Variants in HDDC3 observed in about 807,000 individuals in gnomAD.
HDDC3 encodes the protein guanosine-3',5'-bis(diphosphate) 3'-pyrophosphohydrolase MESH1.
A neutral mutation model predicts 19.1 loss-of-function variants in HDDC3; 18 were observed. The ratio of observed to expected loss-of-function variants is 0.94; its 90% CI spans 0.65 to 1.40. The LOEUF (loss-of-function observed/expected upper bound fraction) is 1.40, where lower values mean the gene tolerates loss of function less well. Among genes scored for constraint, HDDC3 ranks in the 40% most tolerant of loss-of-function variants. HDDC3 has a pLI of 0.00. For synonymous variants in HDDC3, 107 were observed against 99.4 expected (o/e 1.08, Z -0.46); for missense variants, 250 against 228.9 (o/e 1.09, Z -0.59).
chr15:90,931,430 G>A, intron 3 of HDDC3, 25 bp from the exon 4 acceptor site: 1 of 1,607,468 alleles, frequency 6.2e-7, no homozygotes, highest in Non-Finnish European at 8.5e-7. Context: ...ACAGAAACTT[G>A]CTAGCGTGAT....
chr15:90,932,037 G>C lies in HDDC3; in HGVS notation c.168+18C>G. On this transcript the variant is annotated intron_variant, in intron 2 of 3. Coordinates refer to ENST00000394272, the MANE Select transcript of HDDC3 (RefSeq NM_001286451.2). ...TAATCCCCATCCCAGGCTCCTGGCAGAGAAGGGGGAAAGTTACCTGTAACA... is the reference window on the plus strand; with the variant it reads ...TAATCCCCATCCCAGGCTCCTGGCACAGAAGGGGGAAAGTTACCTGTAACA... The C allele has an allele frequency of 3.7e-6, 6 of 1,613,972 alleles. No homozygotes were observed. The highest frequency in any genetic ancestry group is 4.2e-6 in the Non-Finnish European group (5 of 1,179,930).
chr15:90,932,328 G>C, intron 1 of HDDC3, 101 bp downstream of exon 1: 1 of 815,220 alleles, frequency 1.2e-6, no homozygotes, highest in Non-Finnish European at 1.8e-6. Context: ...ACTAAGCTTG[G>C]GACAAAACAG....
chr15:90,931,551 T>G, intron 3 of HDDC3, 146 bp from the exon 4 acceptor site: 3 of 1,614,182 alleles, frequency 1.9e-6, no homozygotes, highest in Non-Finnish European at 2.5e-6. Context: ...AGCTATTGTA[T>G]TTTTACTGTA....
In HDDC3 at chr15:90,931,116, CAGG is replaced by C. The variant is rs2035773608; in HGVS notation, c.*156_*158del. On this transcript the variant is annotated 3_prime_UTR_variant, in exon 4 of 4. Transcript: ENST00000394272. ...ACCACGCGGGGCTCAGCTTAGTTAG[CAGG>C]AGACCTTCAGACTGAGAAAAAATGC... 2.4e-6 allele frequency: 2 copies of C among 818,068 alleles called. No individual in the cohort carries two copies. The highest frequency in any genetic ancestry group is 1.7e-5 in the African/African-American group (1 of 57,970). The allele number at this position is 818,068 out of a possible 1,614,324, so 50.7% of individuals were successfully genotyped here.
Position 90,931,418 on chromosome 15 carries a change from C to G in HDDC3, c.410-13G>C, listed in dbSNP as rs1567143496. On this transcript the variant is annotated splice_polypyrimidine_tract_variant and intron_variant, in intron 3 of 3. Coordinates refer to ENST00000394272, the MANE Select transcript of HDDC3 (RefSeq NM_001286451.2). ...TGTTCTGACCATCCTGCATAAGAGTCGACAGAAACTTGCTAGCGTGATGTC... is the reference window on the plus strand; with the variant it reads ...TGTTCTGACCATCCTGCATAAGAGTGGACAGAAACTTGCTAGCGTGATGTC... The G allele has an allele frequency of 6.3e-7, 1 of 1,598,726 alleles. No individual in the cohort carries two copies.
In HDDC3 at chr15:90,932,504, C is replaced by T. The variant is rs1349453468; in HGVS notation, c.37G>A (p.Asp13Asn). The change falls in exon 1 of 4, where the codon GAC (aspartate) becomes AAC (asparagine). Residue 13 changes from aspartate (D) to asparagine (N), a missense_variant. Physicochemically the swap from Asp to Asn is conservative, Grantham distance 23. Coordinates refer to ENST00000394272, the MANE Select transcript of HDDC3 (RefSeq NM_001286451.2). Reference sequence around the variant, plus strand: ...TGCCGGTGCTTGCGAGCCGCGAAGTCGGCAGCCTCCAGCAGCTGCGCCGCC... The same window carrying T: ...TGCCGGTGCTTGCGAGCCGCGAAGTTGGCAGCCTCCAGCAGCTGCGCCGCC... Reference protein sequence around the residue: ...SEAAQLLEAADFAARKHRQQR... With the variant: ...SEAAQLLEAANFAARKHRQQR... 1.5e-6 allele frequency: 2 copies of T among 1,305,744 alleles called. No homozygotes were observed. The highest frequency in any genetic ancestry group is 9.7e-7 in the Non-Finnish European group (1 of 1,027,894). The allele number at this position is 1,305,744 out of a possible 1,614,324, so 80.9% of individuals were successfully genotyped here. A position where few individuals can be genotyped will look rare whatever the true frequency, so the allele number is the denominator to read the frequency against.
In HDDC3 at chr15:90,931,271, CTGATCAGATTG is replaced by C. The variant is rs756850703; in HGVS notation, c.533_*3del. The C allele has an allele frequency of 6.0e-5, 93 of 1,550,660 alleles. No homozygotes were observed. Among genetic ancestry groups the C allele is most frequent in the Non-Finnish European group, 8.0e-5 (92 of 1,147,030 alleles). On this transcript the variant is annotated stop_retained_variant and 3_prime_UTR_variant, in exon 4 of 4. Coordinates refer to ENST00000394272, the MANE Select transcript of HDDC3 (RefSeq NM_001286451.2). ...TTGTGCCTCTGGATAGCTTCAAGCACTGATCAGATTGTCAGCCCCCGCTGCTTGAACAGATG... is the reference window on the plus strand; with the variant it reads ...TTGTGCCTCTGGATAGCTTCAAGCACTCAGCCCCCGCTGCTTGAACAGATG...
chr15:90,932,470 CG>C lies in HDDC3; in HGVS notation c.70del (p.Arg24GlyfsTer20). ...GTAGGGGGTCCCCTCGGGGTCCTTC[CG>C]CCGCTGCTGCCGGTGCTTGCGAGCC... Reference protein sequence around the residue: ...FAARKHRQQRRKDPEGTPYIN... With the variant: ...FAARKHRQQRXKDPEGTPYIN... On this transcript the variant is annotated frameshift_variant, in exon 1 of 4. Coordinates refer to ENST00000394272, the MANE Select transcript of HDDC3 (RefSeq NM_001286451.2). LOFTEE classifies it high-confidence loss of function. 7.5e-7 allele frequency: 1 copy of C among 1,326,264 alleles called. No homozygotes were observed. Among genetic ancestry groups the C allele is most frequent in the Non-Finnish European group, 9.6e-7 (1 of 1,039,022 alleles). 82.2% of individuals were successfully genotyped at this position (1,326,264 alleles called of 1,614,324 possible).
intron 2 of HDDC3, 41 bp from the exon 3 acceptor site, chr15:90,931,985 G>C: frequency 1.2e-6 from 2 of 1,613,904 alleles, no homozygotes; most frequent in Non-Finnish European, 1.7e-6. Flanking sequence ...TGTCAGCCAA[G>C]GGTTGCCCAT....
Position 90,930,812 on chromosome 15 carries a change from C to G in HDDC3, c.*463G>C, listed in dbSNP as rs949732742. On this transcript the variant is annotated 3_prime_UTR_variant, in exon 4 of 4. Transcript: ENST00000394272. Reference sequence around the variant, plus strand: ...GAAGCCAGGTTCGGAGGGGTTGAGGCCCGCAACCTGAGGGAGGTGACTCCG... The same window carrying G: ...GAAGCCAGGTTCGGAGGGGTTGAGGGCCGCAACCTGAGGGAGGTGACTCCG... The G allele has an allele frequency of 5.6e-6, 1 of 179,064 alleles. No individual in the cohort carries two copies. Among genetic ancestry groups the G allele is most frequent in the South Asian group, 1.0e-4 (1 of 9,810 alleles). The allele number at this position is 179,064 out of a possible 1,614,324, so 11.1% of individuals were successfully genotyped here.
At chr15:90,932,021 T>C (rs1423533350) in intron 2 of HDDC3, 34 bp downstream of exon 2, 3 of 1,613,774 alleles carry the variant, frequency 1.9e-6, no homozygotes, top group African/African-American at 1.3e-5. Flanking sequence ...CTAATCCCCA[T>C]CCCAGGCTCC....
chr15:90,932,482 C>A lies in HDDC3; in HGVS notation c.59G>T (p.Arg20Leu). The A allele has an allele frequency of 7.6e-7, 1 of 1,308,306 alleles. No individual in the cohort carries two copies. Among genetic ancestry groups the A allele is most frequent in the East Asian group, 3.0e-5 (1 of 33,782 alleles). 81.0% of individuals were successfully genotyped at this position (1,308,306 alleles called of 1,614,324 possible). A position where few individuals can be genotyped will look rare whatever the true frequency, so the allele number is the denominator to read the frequency against. The change falls in exon 1 of 4, where the codon CGG becomes CTG. Residue 20 changes from arginine to leucine, a missense_variant. By Grantham distance (102) the Arg-to-Leu change is moderately radical. Coordinates refer to ENST00000394272, the MANE Select transcript of HDDC3 (RefSeq NM_001286451.2). ...EAADFAARKH[R>L]QQRRKDPEGT... is the part of the protein sequence containing the mutation. ...CTCGGGGTCCTTCCGCCGCTGCTGCCGGTGCTTGCGAGCCGCGAAGTCGGC... is the reference window on the plus strand; with the variant it reads ...CTCGGGGTCCTTCCGCCGCTGCTGCAGGTGCTTGCGAGCCGCGAAGTCGGC...
Position 90,931,145 on chromosome 15 carries a change from A to G in HDDC3, c.*130T>C. On this transcript the variant is annotated 3_prime_UTR_variant, in exon 4 of 4. Transcript: ENST00000394272. ...AGACCTTCAGACTGAGAAAAAATGC[A>G]AGTCTTTTTTTGGCCTCTAATATCT... is the stretch of plus-strand genomic sequence containing the variant. 8.8e-7 allele frequency: 1 copy of G among 1,140,866 alleles called. No individual in the cohort carries two copies. Among genetic ancestry groups the G allele is most frequent in the Non-Finnish European group, 1.2e-6 (1 of 810,296 alleles). 70.7% of individuals were successfully genotyped at this position (1,140,866 alleles called of 1,614,324 possible).
intron 1 of HDDC3, 100 bp downstream of exon 1, chr15:90,932,329 G>T: frequency 1.2e-6 from 1 of 823,528 alleles, no homozygotes; most frequent in Non-Finnish European, 1.8e-6. Flanking sequence ...CTAAGCTTGG[G>T]ACAAAACAGG....
rs1051813900 is a variant in HDDC3 at position 90,930,362 on chromosome 15, G to C, written c.*913C>G. ...AGCGGGCGGCACTCCCTTCCGATAC[G>C]TCTTTTCTTTTTTCATTTTTGAGAC... On this transcript the variant is annotated 3_prime_UTR_variant, in exon 4 of 4. Transcript: ENST00000394272. The C allele has an allele frequency of 6.6e-6, 1 of 152,352 alleles. No homozygotes were observed. Among genetic ancestry groups the C allele is most frequent in the African/African-American group, 2.4e-5 (1 of 41,438 alleles). The allele number at this position is 152,352 out of a possible 1,614,324, so 9.4% of individuals were successfully genotyped here. A position where few individuals can be genotyped will look rare whatever the true frequency, so the allele number is the denominator to read the frequency against.
chr15:90,931,390 C>T lies in HDDC3; in HGVS notation c.425G>A (p.Arg142Gln), dbSNP rs2035783983. ...TGCCCACTCGAAGTATTCCTGGACT[C>T]GATGTTCTGACCATCCTGCATAAGA... ...RCTPEGWSEH[R>Q]VQEYFEWAAQ... Residue 142 changes from arginine (R) to glutamine (Q), a missense_variant, in exon 4 of 4, where the codon CGA becomes CAA. Physicochemically the swap from Arg to Gln is conservative, Grantham distance 43 (BLOSUM62 1). Transcript: ENST00000394272. The T allele has an allele frequency of 3.8e-6, 6 of 1,569,386 alleles. No individual in the cohort carries two copies. The highest frequency in any genetic ancestry group is 1.2e-5 in the South Asian group (1 of 86,448).
chr15:90,932,015 T>C, intron 2 of HDDC3, 40 bp downstream of exon 2: 1 of 1,613,954 alleles, frequency 6.2e-7, no homozygotes, highest in East Asian at 2.2e-5. Flanking sequence ...GGGCCCCTAA[T>C]CCCCATCCCA....
chr15:90,930,983 TCAAGTCCCTGAGGGG>T lies in HDDC3; in HGVS notation c.*277_*291del. 1 of 392,830 alleles carries T rather than the reference TCAAGTCCCTGAGGGG, an allele frequency of 2.5e-6. No homozygotes were observed. Among genetic ancestry groups the T allele is most frequent in the South Asian group, 2.7e-5 (1 of 37,436 alleles). 24.3% of individuals were successfully genotyped at this position (392,830 alleles called of 1,614,324 possible). On this transcript the variant is annotated 3_prime_UTR_variant, in exon 4 of 4. Coordinates refer to ENST00000394272, the MANE Select transcript of HDDC3 (RefSeq NM_001286451.2). ...GTTAGGAACTAGTACTTAAATAATC[TCAAGTCCCTGAGGGG>T]CCAGAGATCCCACCATGCAAAATAG...
rs1393899251 is a variant in HDDC3 at position 90,930,028 on chromosome 15, T to C, written c.*1247A>G. On this transcript the variant is annotated 3_prime_UTR_variant, in exon 4 of 4. Coordinates refer to ENST00000394272, the MANE Select transcript of HDDC3 (RefSeq NM_001286451.2). ...AGAATAAAATACATAAAAATAAACC[T>C]CAGCTGCTCAGCAACGACTGAAAAA... The C allele has an allele frequency of 6.6e-6, 1 of 152,076 alleles. No homozygotes were observed. The highest frequency in any genetic ancestry group is 1.5e-5 in the Non-Finnish European group (1 of 67,996). The allele number at this position is 152,076 out of a possible 1,614,324, so 9.4% of individuals were successfully genotyped here.
Sources: allele counts gnomAD v4.1 joint callset, GRCh38; gene constraint gnomAD v4.1.1; transcripts MANE v1.5; gene names NCBI Gene and HGNC (gene_info 2026-07-23, HGNC 2026-07-21).